PPP1R14C: variants seen among roughly 807,000 people sequenced by gnomAD.
PPP1R14C encodes the protein protein phosphatase 1 regulatory inhibitor subunit 14C, also known as protein phosphatase 1 regulatory subunit 14C.
PPP1R14C carries 16 observed loss-of-function variants against 20.4 expected under a neutral mutation model. The ratio of observed to expected loss-of-function variants is 0.78; its 90% CI spans 0.53 to 1.19. The LOEUF (loss-of-function observed/expected upper bound fraction) is 1.19, where lower values mean the gene tolerates loss of function less well. PPP1R14C is among the 50% of genes most tolerant of loss of function. PPP1R14C has a pLI of 0.00. For synonymous variants in PPP1R14C, 91 were observed against 91.0 expected, an observed-to-expected ratio of 1.00 and a Z score of 0.00; for missense variants, 211 against 220.1, an observed-to-expected ratio of 0.96 and a Z score of 0.26.
At chr6:150,189,574 A>G (rs1313811552) in intron 1 of PPP1R14C, among the ~76,000 whole-genome samples, 1 of 151,604 alleles carries the variant, frequency 6.6e-6, no homozygotes, top group African/African-American at 2.4e-5. Flanking sequence ...GAAGATTGAG[A>G]AATACTCTAG....
intron 1 of PPP1R14C, among the ~76,000 whole-genome samples, chr6:150,212,131 G>T (rs1161837813): frequency 6.6e-6 from 1 of 152,230 alleles, no homozygotes; most frequent in Admixed American, 6.5e-5. Flanking sequence ...CTGGGCCAGA[G>T]GGCGAGTGTA....
chr6:150,200,958 G>GC (rs1310830498), intron 1 of PPP1R14C, among the ~76,000 whole-genome samples: 3 of 152,098 alleles, frequency 2.0e-5, no homozygotes, highest in Non-Finnish European at 2.9e-5. Context: ...CTCCTCCCTT[G>GC]CTGCTCCAAA....
At chr6:150,167,250 C>T (rs970907019) in intron 1 of PPP1R14C, among the ~76,000 whole-genome samples, 1 of 152,122 alleles carries the variant, frequency 6.6e-6, no homozygotes, top group Non-Finnish European at 1.5e-5. Flanking sequence ...CACCTGTAAT[C>T]CCAGCTACTC....
At chr6:150,167,238 C>T (rs1009568645) in intron 1 of PPP1R14C, among the ~76,000 whole-genome samples, 2 of 152,078 alleles carry the variant, frequency 1.3e-5, no homozygotes, top group Non-Finnish European at 2.9e-5. Flanking sequence ...CATGGTGGCA[C>T]ACACCTGTAA....
At chr6:150,240,595 T>A (rs542201418) in intron 3 of PPP1R14C, among the ~76,000 whole-genome samples, 1 of 152,332 alleles carries the variant, frequency 6.6e-6, no homozygotes, top group South Asian at 2.1e-4. Flanking sequence ...TACACCCCTG[T>A]GCAGATGAAG....
intron 3 of PPP1R14C, among the ~76,000 whole-genome samples, chr6:150,226,233 G>A (rs959187707): frequency 1.3e-5 from 2 of 152,224 alleles, no homozygotes. Context: ...TGATTAGTAA[G>A]AATGGTGATT....
intron 3 of PPP1R14C, among the ~76,000 whole-genome samples, chr6:150,231,471 G>T (rs1778295374): frequency 6.6e-6 from 1 of 152,168 alleles, no homozygotes; most frequent in Non-Finnish European, 1.5e-5. Context: ...TTGACACTTT[G>T]TCTAGTTTTT....
At chr6:150,238,498 C>T (rs1042641475) in intron 3 of PPP1R14C, among the ~76,000 whole-genome samples, 1 of 152,274 alleles carries the variant, frequency 6.6e-6, no homozygotes, top group Non-Finnish European at 1.5e-5. Flanking sequence ...CTCTGGCTGC[C>T]TTCTCCAGTC....
intron 1 of PPP1R14C, among the ~76,000 whole-genome samples, chr6:150,160,891 T>C (rs1159596660): frequency 2.6e-5 from 4 of 152,144 alleles, no homozygotes; most frequent in Non-Finnish European, 5.9e-5. Context: ...CACTACAAAA[T>C]ACTCTAGGCT....
rs1215815379 is a variant in PPP1R14C at position 150,201,096 on chromosome 6, C to T, written c.307-13648C>T. Among the ~76,000 whole-genome samples the T allele has an allele frequency of 2.6e-5, 4 of 152,166 alleles. No homozygotes were observed. In the East Asian group the frequency reaches 5.8e-4, roughly 22 times the overall value. On this transcript the variant is annotated intron_variant, in intron 1 of 3. Coordinates refer to ENST00000361131, the MANE Select transcript of PPP1R14C (RefSeq NM_030949.3). The surrounding 1 kb of genome is among the most constrained non-coding windows in gnomAD (Gnocchi z 4.2). The stretch of plus-strand genomic sequence containing the variant: ...CCAGGTTTGGAACTAAGGAAGCGAT[C>T]GGCCCTATTGGGCAGGATACTCAGA...
At position 150,184,276 on chromosome 6, in the gene PPP1R14C, C is replaced by T. The variant is rs1266137261; in HGVS notation, c.307-30468C>T. On this transcript the variant is annotated intron_variant, in intron 1 of 3. Coordinates refer to ENST00000361131, the MANE Select transcript of PPP1R14C (RefSeq NM_030949.3). ...CACAAATGGAGCATGGAGGGGCCGT[C>T]TCCATCATACCACCTCCTCTTGCTC... 2.6e-5 allele frequency among the ~76,000 whole-genome samples: 4 copies of T among 152,158 alleles called. No individual in the cohort carries two copies. In the East Asian group the frequency reaches 7.7e-4, roughly 29 times the overall value.
chr6:150,243,602 A>C (rs1283657815), intron 3 of PPP1R14C, among the ~76,000 whole-genome samples: 2 of 152,240 alleles, frequency 1.3e-5, no homozygotes, highest in African/African-American at 4.8e-5. Context: ...TGTACTTTTT[A>C]AGACAATATG....
intron 3 of PPP1R14C, among the ~76,000 whole-genome samples, chr6:150,241,543 C>T (rs1778430635): frequency 6.6e-6 from 1 of 152,088 alleles, no homozygotes; most frequent in African/African-American, 2.4e-5. Context: ...GCTTGTGGGC[C>T]TGAGACTTTA....
chr6:150,201,724 G>A lies in PPP1R14C; in HGVS notation c.307-13020G>A, dbSNP rs759779736. Among the ~76,000 whole-genome samples the A allele has an allele frequency of 1.3e-5, 2 of 152,190 alleles. No individual in the cohort carries two copies. The highest frequency in any genetic ancestry group is 2.9e-5 in the Non-Finnish European group (2 of 68,044). ...GAGGCATGAGGGTGAGTTTATGGAAGCCAGTTAAGAGGCTCCTGCTATAGC... is the reference window on the plus strand; with the variant it reads ...GAGGCATGAGGGTGAGTTTATGGAAACCAGTTAAGAGGCTCCTGCTATAGC... On this transcript the variant is annotated intron_variant, in intron 1 of 3. Transcript: ENST00000361131. This position sits in a 1 kb window ranked among gnomAD's most constrained non-coding sequence, Gnocchi z 4.2.
At chr6:150,240,504 T>C (rs7759435) in intron 3 of PPP1R14C, among the ~76,000 whole-genome samples, 2,327 of 152,288 alleles carry the variant, frequency 0.015, 58 homozygotes, top group African/African-American at 0.054. Flanking sequence ...TTAGACCCTA[T>C]GTAAATGAAG....
At chr6:150,231,568 T>A (rs149544993) in intron 3 of PPP1R14C, among the ~76,000 whole-genome samples, 200 of 152,346 alleles carry the variant, frequency 1.3e-3, no homozygotes, top group African/African-American at 4.4e-3. Context: ...ATTAATCAGT[T>A]CATTTGTACA....
intron 1 of PPP1R14C, among the ~76,000 whole-genome samples, chr6:150,200,541 C>G (rs532132218): frequency 1.3e-5 from 2 of 152,134 alleles, no homozygotes; most frequent in Non-Finnish European, 2.9e-5. Context: ...GAGACTGGAG[C>G]AGGAGACACA....
At chr6:150,243,063 G>A (rs1316950174) in intron 3 of PPP1R14C, among the ~76,000 whole-genome samples, 1 of 152,126 alleles carries the variant, frequency 6.6e-6, no homozygotes, top group Non-Finnish European at 1.5e-5. Flanking sequence ...GTCCATGGGT[G>A]AGAGGATTCA....
chr6:150,152,748 G>C (rs1436703526), intron 1 of PPP1R14C, among the ~76,000 whole-genome samples: 1 of 152,152 alleles, frequency 6.6e-6, no homozygotes, highest in African/African-American at 2.4e-5. Context: ...CACCCTCACT[G>C]CAGCCTCCTG....
Sources: gnomAD v4.1 joint callset for allele counts (sites outside exome capture counted in the v4.1 genomes callset) on GRCh38, gnomAD v4.1.1 for gene constraint, Gnocchi (gnomAD v3.1) non-coding constraint, MANE v1.5 for transcripts, NCBI Gene and HGNC (gene_info 2026-07-23, HGNC 2026-07-21) for gene names.